Variants in APBB2 observed in about 807,000 individuals in gnomAD.
The protein encoded by APBB2 is Fe65-like 1.
A neutral mutation model predicts 82.5 loss-of-function variants in APBB2; 38 were observed. The observed-to-expected ratio is 0.46, with a 90% confidence interval of 0.36 to 0.60. APBB2 has a LOEUF of 0.60. Among genes scored for constraint, APBB2 ranks in the 20% least tolerant of loss-of-function variants. The probability of loss-of-function intolerance (pLI) is 0.00; values close to 1 mark genes in which losing one functional copy is unlikely to be tolerated. For missense variants in APBB2, 772 were observed against 972.3 expected (o/e 0.79, Z 2.74); for synonymous variants, 341 against 368.2 (o/e 0.93, Z 0.85).
chr4:40,935,866 G>A (rs1424221994), intron 7 of APBB2, among the ~76,000 whole-genome samples: 6 of 152,130 alleles, frequency 3.9e-5, no homozygotes, highest in Non-Finnish European at 7.4e-5. Flanking sequence ...GCTTTGTTGC[G>A]AGAGCTCTTG....
At chr4:40,983,590 T>G (rs1375637733) in intron 6 of APBB2, among the ~76,000 whole-genome samples, 7 of 152,234 alleles carry the variant, frequency 4.6e-5, no homozygotes, top group African/African-American at 1.7e-4. Flanking sequence ...ACTTTTTTTT[T>G]TTTTAAAGAC....
rs1036707816 is a variant in APBB2 at position 41,154,353 on chromosome 4, A to G, written c.-416-11211T>C. On this transcript the variant is annotated intron_variant, in intron 1 of 17. Coordinates refer to ENST00000508593, the MANE Select transcript of APBB2 (RefSeq NM_004307.2). ...CACAAATGCACCTGGCAATAGTACAACCAATCAAATGTCTCCAACAAAGGA... is the reference window on the plus strand; with the variant it reads ...CACAAATGCACCTGGCAATAGTACAGCCAATCAAATGTCTCCAACAAAGGA... Among the ~76,000 whole-genome samples, 11 of 152,334 alleles carry G rather than the reference A, an allele frequency of 7.2e-5. No homozygotes were observed. The East Asian group carries it at 2.1e-3, about 29-fold the overall frequency.
intron 4 of APBB2, among the ~76,000 whole-genome samples, chr4:41,047,767 G>T (rs557119994): frequency 6.6e-5 from 10 of 152,254 alleles, no homozygotes; most frequent in Non-Finnish European, 1.2e-4. Context: ...GTAACATGGC[G>T]ACTCCAAAGA....
At chr4:41,160,037 A>AGAAGAAGAAGAAGAAGAAG (rs1258514181) in intron 1 of APBB2, among the ~76,000 whole-genome samples, 12 of 146,368 alleles carry the variant, frequency 8.2e-5, no homozygotes, top group Non-Finnish European at 1.2e-4. Context: ...AAGAAGAAGA[A>AGAAGAAGAAGAAGAAGAAG]AACATCACAG....
At position 40,815,289 on chromosome 4, in the gene APBB2, T is replaced by C. The variant is rs1049642158; in HGVS notation, c.*803A>G. On this transcript the variant is annotated 3_prime_UTR_variant, in exon 18 of 18. Transcript: ENST00000508593. ...ATAATTCTCTAGCTGCACCGTACAA[T>C]ATAAGGCAGAAGTTTGAAATATGTC... The C allele has an allele frequency of 6.6e-6, 1 of 152,650 alleles. No homozygotes were observed. 9.5% of individuals were successfully genotyped at this position (152,650 alleles called of 1,614,324 possible). A position where few individuals can be genotyped will look rare whatever the true frequency, so the allele number is the denominator to read the frequency against.
chr4:40,874,592 T>C (rs1336138721), intron 12 of APBB2, among the ~76,000 whole-genome samples: 2 of 152,190 alleles, frequency 1.3e-5, no homozygotes, highest in East Asian at 3.8e-4. Flanking sequence ...AATGTTATCA[T>C]TCAGAATCCC....
At chr4:41,164,509 T>C (rs1257636109) in intron 1 of APBB2, among the ~76,000 whole-genome samples, 1 of 152,150 alleles carries the variant, frequency 6.6e-6, no homozygotes, top group Admixed American at 6.5e-5. Flanking sequence ...ATACATAATT[T>C]CCCTTTTATC....
chr4:40,884,161 G>T (rs1229941727), intron 12 of APBB2, among the ~76,000 whole-genome samples: 1 of 152,058 alleles, frequency 6.6e-6, no homozygotes, highest in Non-Finnish European at 1.5e-5. Context: ...CTTCCCATTT[G>T]GGCTGGCAAA....
chr4:41,194,922 T>G, intron 1 of APBB2, among the ~76,000 whole-genome samples: 1 of 152,308 alleles, frequency 6.6e-6, no homozygotes, highest in Non-Finnish European at 1.5e-5. Flanking sequence ...TACTACAGTT[T>G]AAGAAGACGT....
chr4:41,024,347 C>A (rs1713063241), intron 5 of APBB2, among the ~76,000 whole-genome samples: 1 of 152,208 alleles, frequency 6.6e-6, no homozygotes, highest in Non-Finnish European at 1.5e-5. Context: ...AACTTATGAG[C>A]TTCTGCACAG....
chr4:41,072,686 A>C (rs1043092108), intron 3 of APBB2, among the ~76,000 whole-genome samples: 3 of 152,190 alleles, frequency 2.0e-5, no homozygotes, highest in Non-Finnish European at 2.9e-5. Flanking sequence ...GCCAAGCCTA[A>C]AAAACCTGCC....
At chr4:41,023,687 A>G (rs1712704273) in intron 5 of APBB2, among the ~76,000 whole-genome samples, 1 of 152,084 alleles carries the variant, frequency 6.6e-6, no homozygotes, top group African/African-American at 2.4e-5. Context: ...CAGAGAAGAC[A>G]CAAACAAATG....
intron 3 of APBB2, among the ~76,000 whole-genome samples, chr4:41,087,348 C>T (rs1301670625): frequency 2.0e-5 from 3 of 152,136 alleles, no homozygotes; most frequent in Non-Finnish European, 4.4e-5. Flanking sequence ...CCAACAATCA[C>T]CTGTATTTAA....
intron 1 of APBB2, among the ~76,000 whole-genome samples, chr4:41,165,503 CCT>C (rs1766283451): frequency 6.6e-6 from 1 of 152,092 alleles, no homozygotes; most frequent in Admixed American, 6.6e-5. Context: ...TTATCTCTTT[CCT>C]CTGTTTCCTC....
At chr4:40,890,168 T>A in intron 12 of APBB2, 196 bp downstream of exon 12, 1 of 659,236 alleles carries the variant, frequency 1.5e-6, no homozygotes, top group Non-Finnish European at 2.4e-6. Flanking sequence ...AGATTTGAGA[T>A]ACAGAAACCA....
chr4:41,177,857 G>T (rs548723600), intron 1 of APBB2, among the ~76,000 whole-genome samples: 2 of 151,996 alleles, frequency 1.3e-5, no homozygotes, highest in African/African-American at 4.8e-5. Flanking sequence ...TATACTTACC[G>T]GTTGAGCATC....
chr4:41,186,705 A>G (rs1773001703), intron 1 of APBB2, among the ~76,000 whole-genome samples: 2 of 152,192 alleles, frequency 1.3e-5, no homozygotes, highest in African/African-American at 4.8e-5. Context: ...AACCCACCAT[A>G]AATTGAAAAT....
intron 1 of APBB2, among the ~76,000 whole-genome samples, chr4:41,170,814 T>C (rs59448391): frequency 1.3e-5 from 2 of 152,116 alleles, no homozygotes; most frequent in Non-Finnish European, 2.9e-5. Context: ...TCTAGGTGAA[T>C]AATACAGGGG....
chr4:41,178,361 C>T (rs1560964171), intron 1 of APBB2, among the ~76,000 whole-genome samples: 1 of 152,198 alleles, frequency 6.6e-6, no homozygotes, highest in Non-Finnish European at 1.5e-5. Context: ...TCTCTACATA[C>T]ATCTACAGGA....
Sources: gnomAD v4.1 joint callset for allele counts (sites outside exome capture counted in the v4.1 genomes callset) on GRCh38, gnomAD v4.1.1 for gene constraint, MANE v1.5 for transcripts, NCBI Gene and HGNC (gene_info 2026-07-23, HGNC 2026-07-21) for gene names.